The following ZBTB11 variants were observed in gnomAD, a reference collection of about 807,000 sequenced individuals.
ZBTB11 encodes the protein zinc finger and BTB domain containing 11.
ZBTB11 carries 68 observed loss-of-function variants against 113.1 expected under a neutral mutation model. The ratio of observed to expected loss-of-function variants is 0.60; its 90% CI spans 0.49 to 0.74. The LOEUF (loss-of-function observed/expected upper bound fraction) is 0.74. Among genes scored for constraint, ZBTB11 ranks in the 30% least tolerant of loss-of-function variants. The pLI, the probability that ZBTB11 is intolerant of heterozygous loss-of-function variation, is 0.00. For missense variants in ZBTB11, 1,104 were observed against 1,279.4 expected (o/e 0.86, Z 2.09); for synonymous variants, 518 against 452.6 (o/e 1.14, Z -1.83).
chr3:101,656,197 G>A lies in ZBTB11; in HGVS notation c.2098C>T (p.Leu700Phe). 6.2e-7 allele frequency: 1 copy of A among 1,600,550 alleles called. No individual in the cohort carries two copies. Among genetic ancestry groups the A allele is most frequent in the Non-Finnish European group, 8.5e-7 (1 of 1,174,170 alleles). Residue 700 changes from leucine (L) to phenylalanine (F), a missense_variant, in exon 7 of 11, where the codon CTT (leucine) becomes TTT (phenylalanine). This residue lies in a region of ZBTB11 where 535 missense variants were observed against 518.6 expected (regional missense o/e 1.03). Coordinates refer to ENST00000312938, the MANE Select transcript of ZBTB11 (RefSeq NM_014415.4). ...YKHGLKLHQS[L>F]HQSQKQFQCE... The stretch of plus-strand genomic sequence containing the variant: ...TGGAACTGCTTCTGTGATTGATGAA[G>A]ACTCTGATGTAATTTTAGACCATGC...
At chr3:101,654,487 A>G (rs1936760310) in intron 8 of ZBTB11, among the ~76,000 whole-genome samples, 1 of 152,202 alleles carries the variant, frequency 6.6e-6, no homozygotes, top group South Asian at 2.1e-4. Flanking sequence ...CAGGTAGTAC[A>G]TTTGAAAATC....
chr3:101,661,636 T>A (rs1250558695), intron 5 of ZBTB11, among the ~76,000 whole-genome samples: 1 of 152,220 alleles, frequency 6.6e-6, no homozygotes, highest in Non-Finnish European at 1.5e-5. Flanking sequence ...ATCCTTATCC[T>A]TTTTATGAGA....
In ZBTB11 at chr3:101,652,491, G is replaced by C. The variant is rs1936721946; in HGVS notation, c.2644+5C>G. The C allele has an allele frequency of 1.2e-6, 2 of 1,613,104 alleles. No homozygotes were observed. Among genetic ancestry groups the C allele is most frequent in the Non-Finnish European group, 8.5e-7 (1 of 1,179,706 alleles). On this transcript the variant is annotated splice_donor_5th_base_variant and intron_variant, in intron 10 of 10. Transcript: ENST00000312938. ...AAGGATACATATAATATAAAGTATAGTTACCTTCATGGTTGTTCATGTGTC... is the reference window on the plus strand; with the variant it reads ...AAGGATACATATAATATAAAGTATACTTACCTTCATGGTTGTTCATGTGTC...
chr3:101,661,164 G>A (rs997901736), intron 5 of ZBTB11, among the ~76,000 whole-genome samples: 1 of 150,956 alleles, frequency 6.6e-6, no homozygotes, highest in African/African-American at 2.4e-5. Flanking sequence ...AGCCTGGGAC[G>A]TGGAGGTTGC....
intron 5 of ZBTB11, 97 bp downstream of exon 5, chr3:101,664,441 A>G (rs1936944434): frequency 1.6e-6 from 2 of 1,234,422 alleles, no homozygotes; most frequent in Non-Finnish European, 1.1e-6. Flanking sequence ...ATAGCCATAT[A>G]AGACATAGAA....
rs946019376 is a variant in ZBTB11 at position 101,648,943 on chromosome 3, G to A, written c.*2223C>T. The A allele has an allele frequency of 6.6e-6, 1 of 152,208 alleles. No individual in the cohort carries two copies. 9.4% of individuals were successfully genotyped at this position (152,208 alleles called of 1,614,324 possible). A position where few individuals can be genotyped will look rare whatever the true frequency, so the allele number is the denominator to read the frequency against. On this transcript the variant is annotated 3_prime_UTR_variant, in exon 11 of 11. Coordinates refer to ENST00000312938, the MANE Select transcript of ZBTB11 (RefSeq NM_014415.4). ...AAATTGAAGGATGGTAAATGCAGGGGATTTTATTGCTGGATAAAGGTGGCT... is the reference window on the plus strand; with the variant it reads ...AAATTGAAGGATGGTAAATGCAGGGAATTTTATTGCTGGATAAAGGTGGCT...
chr3:101,665,947 G>T, intron 3 of ZBTB11, 139 bp from the exon 4 acceptor site: 2 of 911,490 alleles, frequency 2.2e-6, no homozygotes, highest in Non-Finnish European at 3.2e-6. Flanking sequence ...TTTGCATTTT[G>T]TTCTGGTTTC....
intron 7 of ZBTB11, among the ~76,000 whole-genome samples, chr3:101,655,628 C>T (rs1291179461): frequency 2.0e-5 from 3 of 151,904 alleles, no homozygotes; most frequent in Non-Finnish European, 2.9e-5. Flanking sequence ...ATATTCCATA[C>T]ACAAACATAG....
chr3:101,654,738 G>A lies in ZBTB11; in HGVS notation c.2275C>T (p.Pro759Ser), dbSNP rs1936766105. 6.2e-7 allele frequency: 1 copy of A among 1,614,146 alleles called. No individual in the cohort carries two copies. The highest frequency in any genetic ancestry group is 8.5e-7 in the Non-Finnish European group (1 of 1,180,020). ...GLSKHFKKHQ[P>S]KPEVRGYHCT... is the part of the protein sequence containing the mutation. Reference sequence around the variant, plus strand: ...TGATAGCCTCGAACCTCAGGCTTTGGTTGGTGTTTCTTGAAGTGCTTGCTG... The same window carrying A: ...TGATAGCCTCGAACCTCAGGCTTTGATTGGTGTTTCTTGAAGTGCTTGCTG... The change falls in exon 8 of 11, where the codon CCA becomes TCA. Residue 759 changes from proline (P) to serine (S), a missense_variant. Physicochemically the swap from Pro to Ser is moderately conservative, Grantham distance 74. Coordinates refer to ENST00000312938, the MANE Select transcript of ZBTB11 (RefSeq NM_014415.4).
chr3:101,661,401 GA>G (rs1278612170), intron 5 of ZBTB11, among the ~76,000 whole-genome samples: 1 of 152,168 alleles, frequency 6.6e-6, no homozygotes, highest in African/African-American at 2.4e-5. Flanking sequence ...TCATTTTAGT[GA>G]AACATGTCTG....
intron 3 of ZBTB11, among the ~76,000 whole-genome samples, chr3:101,668,524 G>A (rs1937032572): frequency 1.3e-5 from 2 of 151,684 alleles, no homozygotes; most frequent in South Asian, 4.2e-4. Flanking sequence ...ACCTACACGG[G>A]AGGCCAAAGC....
Position 101,665,777 on chromosome 3 carries a change from C to T in ZBTB11, c.810G>A (p.Leu270=), listed in dbSNP as rs377562301. ...GFCKASFLPL[L]EFAYTSVLSF... ...TTAGTACAGAAGTATAGGCAAATTCCAGTAAAGGAAGGAAGCTGGCCTTAC... is the reference window on the plus strand; with the variant it reads ...TTAGTACAGAAGTATAGGCAAATTCTAGTAAAGGAAGGAAGCTGGCCTTAC... The change falls in exon 4 of 11, where the codon CTG becomes CTA. Residue 270 remains leucine, a synonymous_variant. Coordinates refer to ENST00000312938, the MANE Select transcript of ZBTB11 (RefSeq NM_014415.4). The T allele has an allele frequency of 1.2e-5, 20 of 1,605,890 alleles. No individual in the cohort carries two copies. In the Middle Eastern group the frequency reaches 5.0e-4, roughly 40 times the overall value.
rs768412408 is a variant in ZBTB11 at position 101,656,162 on chromosome 3, C to A, written c.2133G>T (p.Leu711=). ...GTTTGGTAACAAATGACTTAACACA[C>A]AGTTCACACTGGAACTGCTTCTGTG... ...HQSQKQFQCE[L]CVKSFVTKRS... Residue 711 remains leucine, a synonymous_variant, in exon 7 of 11, where the codon CTG becomes CTT. Transcript: ENST00000312938. 4 of 1,600,304 alleles carry A rather than the reference C, an allele frequency of 2.5e-6. No homozygotes were observed. Among genetic ancestry groups the A allele is most frequent in the Admixed American group, 3.5e-5 (2 of 57,826 alleles).
intron 6 of ZBTB11, 99 bp from the exon 7 acceptor site, chr3:101,656,347 A>T: frequency 1.5e-6 from 1 of 677,212 alleles, no homozygotes; most frequent in East Asian, 5.6e-5. Flanking sequence ...TTAAATAAAT[A>T]TTTAAATTAT....
intron 6 of ZBTB11, among the ~76,000 whole-genome samples, chr3:101,659,232 C>T (rs1445533915): frequency 6.6e-6 from 1 of 152,158 alleles, no homozygotes; most frequent in Non-Finnish European, 1.5e-5. Flanking sequence ...TAGAACAAGA[C>T]CTTGTCTCAA....
At chr3:101,671,396 T>C (rs1166207202) in intron 2 of ZBTB11, 35 bp from the exon 3 acceptor site, 1 of 1,524,728 alleles carries the variant, frequency 6.6e-7, no homozygotes, top group East Asian at 2.3e-5. Context: ...GAGTAACATA[T>C]TACCTGTATT....
chr3:101,654,991 C>G (rs1438473445), intron 7 of ZBTB11, among the ~76,000 whole-genome samples, 170 bp from the exon 8 acceptor site: 8 of 152,130 alleles, frequency 5.3e-5, no homozygotes, highest in African/African-American at 1.9e-4. Context: ...GATTCTCCTG[C>G]CTCAGCTTCC....
At chr3:101,659,056 T>C (rs187962924) in intron 6 of ZBTB11, among the ~76,000 whole-genome samples, 2 of 152,094 alleles carry the variant, frequency 1.3e-5, no homozygotes, top group Admixed American at 6.5e-5. Context: ...CTGGGCAACA[T>C]AGTTAGGCCC....
intron 9 of ZBTB11, 38 bp downstream of exon 9, chr3:101,652,741 GT>G (rs767829137): frequency 2.5e-6 from 4 of 1,609,722 alleles, no homozygotes; most frequent in Non-Finnish European, 8.5e-7. Flanking sequence ...GAGTACACAC[GT>G]TATCAATTAA....
Sources: gnomAD v4.1 joint callset for allele counts (sites outside exome capture counted in the v4.1 genomes callset) on GRCh38, gnomAD v4.1.1 for gene constraint, gnomAD v4.1.1 regional missense constraint, MANE v1.5 for transcripts, NCBI Gene and HGNC (gene_info 2026-07-23, HGNC 2026-07-21) for gene names.